The following CNTN3 variants were observed in gnomAD, a reference collection of about 807,000 sequenced individuals.
CNTN3 encodes contactin-3.
In CNTN3, 60 loss-of-function variants were observed where a neutral mutation model predicts 119.1. The ratio of observed to expected loss-of-function variants is 0.50; its 90% confidence interval spans 0.41 to 0.62. The LOEUF is 0.62. Among genes scored for constraint, CNTN3 ranks in the 20% least tolerant of loss-of-function variants. CNTN3 has a pLI of 0.00. For synonymous variants in CNTN3, 450 were observed against 438.7 expected (o/e 1.03, Z -0.32); for missense variants, 1,101 against 1,242.4 (o/e 0.89, Z 1.71).
chr3:74,310,708 A>C (rs1559695926), intron 13 of CNTN3, among the ~76,000 whole-genome samples: 1 of 152,216 alleles, frequency 6.6e-6, no homozygotes, highest in Non-Finnish European at 1.5e-5. Context: ...TGGTCAAGAC[A>C]TTCACAAAAG....
At chr3:74,470,175 A>G (rs1189828422) in intron 4 of CNTN3, among the ~76,000 whole-genome samples, 2 of 151,754 alleles carry the variant, frequency 1.3e-5, no homozygotes, top group Admixed American at 1.3e-4. Context: ...TAGGGGCTGG[A>G]GTGGGGGGTT....
chr3:74,285,811 A>G (rs1702102754), intron 19 of CNTN3, among the ~76,000 whole-genome samples: 1 of 106,678 alleles, frequency 9.4e-6, no homozygotes, highest in Non-Finnish European at 1.7e-5. Context: ...ATATATATAT[A>G]TATATATATA....
At chr3:74,468,810 C>G (rs1702509615) in intron 4 of CNTN3, among the ~76,000 whole-genome samples, 2 of 151,282 alleles carry the variant, frequency 1.3e-5, no homozygotes, top group African/African-American at 4.9e-5. Flanking sequence ...ATATACGTGA[C>G]AGATGAGTCT....
chr3:74,522,173 T>C (rs975242557), intron 1 of CNTN3, among the ~76,000 whole-genome samples: 3 of 151,992 alleles, frequency 2.0e-5, no homozygotes, highest in South Asian at 4.1e-4. Context: ...AATAAAAATA[T>C]GACAACTTGA....
intron 4 of CNTN3, among the ~76,000 whole-genome samples, chr3:74,449,022 G>T (rs1702098637): frequency 6.6e-6 from 1 of 152,002 alleles, no homozygotes; most frequent in Non-Finnish European, 1.5e-5. Flanking sequence ...TCTCCCAGGT[G>T]CCTCAAATCC....
intron 4 of CNTN3, among the ~76,000 whole-genome samples, chr3:74,481,370 C>A (rs1175837868): frequency 6.6e-6 from 1 of 151,676 alleles, no homozygotes; most frequent in African/African-American, 2.4e-5. Context: ...GGAAAAATAT[C>A]AACAATTTCC....
At chr3:74,373,125 T>C (rs972282311) in intron 5 of CNTN3, among the ~76,000 whole-genome samples, 1 of 152,232 alleles carries the variant, frequency 6.6e-6, no homozygotes, top group Non-Finnish European at 1.5e-5. Context: ...TTGTGAGCTC[T>C]AAAGTCACTT....
intron 10 of CNTN3, among the ~76,000 whole-genome samples, chr3:74,363,740 A>G (rs1194833890): frequency 6.6e-6 from 1 of 152,122 alleles, no homozygotes; most frequent in African/African-American, 2.4e-5. Flanking sequence ...TAGTGATGAT[A>G]TTTGAACACT....
rs1214466085 is a variant in CNTN3 at position 74,301,711 on chromosome 3, T to C, written c.1881A>G (p.Pro627=). Residue 627 remains proline (P), a synonymous_variant, in exon 15 of 23, where the codon CCA becomes CCG. Transcript: ENST00000263665. The part of the protein sequence containing the change: ...SWKEGKDNHS[P]VISYSIQART... ...GAGCCTGGATAGAATAGGATATAACTGGGCTATGGTTGTCTTTACCTTCTT... is the reference window on the plus strand; with the variant it reads ...GAGCCTGGATAGAATAGGATATAACCGGGCTATGGTTGTCTTTACCTTCTT... 1.2e-6 allele frequency: 2 copies of C among 1,614,014 alleles called. No individual in the cohort carries two copies. The highest frequency in any genetic ancestry group is 2.2e-5 in the East Asian group (1 of 44,880).
rs768410656 is a variant in CNTN3 at position 74,369,212 on chromosome 3, G to A, written c.923C>T (p.Ala308Val). The A allele has an allele frequency of 2.5e-6, 4 of 1,603,606 alleles. No individual in the cohort carries two copies. Among genetic ancestry groups the A allele is most frequent in the South Asian group, 2.2e-5 (2 of 89,632 alleles). The change falls in exon 8 of 23, where the codon GCC (alanine) becomes GTC (valine). Residue 308 changes from alanine to valine, a missense_variant. By Grantham distance (64) the Ala-to-Val change is moderately conservative (BLOSUM62 0). Coordinates refer to ENST00000263665, the MANE Select transcript of CNTN3 (RefSeq NM_020872.3). ...IAENSRGKNV[A>V]RGRLTYYAKP... ...ACCATAGTAAGTGAGACGCCCTCTGGCAACATTTTTTCCTCGTGAATTCTC... is the reference window on the plus strand; with the variant it reads ...ACCATAGTAAGTGAGACGCCCTCTGACAACATTTTTTCCTCGTGAATTCTC...
intron 5 of CNTN3, among the ~76,000 whole-genome samples, chr3:74,391,856 C>T (rs1343549492): frequency 6.6e-6 from 1 of 152,106 alleles, no homozygotes; most frequent in African/African-American, 2.4e-5. Flanking sequence ...TGGGGTTTCA[C>T]CATGTTGGTC....
rs567321957 is a variant in CNTN3, at chr3:74,352,017, C to T, written c.1364+9873G>A. 8.6e-4 allele frequency among the ~76,000 whole-genome samples: 131 copies of T among 152,258 alleles called. 3 individuals are homozygous for T. The highest frequency in any genetic ancestry group is 3.4e-3 in the Middle Eastern group (1 of 294). Reference sequence around the variant, plus strand: ...AACTCTTGCTTATTTACCCAGGCATCTCAATCATCTCTTTAAGAGAAGAGT... The same window carrying T: ...AACTCTTGCTTATTTACCCAGGCATTTCAATCATCTCTTTAAGAGAAGAGT... On this transcript the variant is annotated intron_variant, in intron 11 of 22. Transcript: ENST00000263665.
At chr3:74,437,685 T>TTA (rs1177366280) in intron 4 of CNTN3, among the ~76,000 whole-genome samples, 1 of 152,062 alleles carries the variant, frequency 6.6e-6, no homozygotes, top group Admixed American at 6.5e-5. Context: ...CTTCAAGTGT[T>TTA]TATATATGTG....
intron 2 of CNTN3, among the ~76,000 whole-genome samples, chr3:74,511,350 T>C (rs1191866503): frequency 2.6e-5 from 4 of 152,136 alleles, no homozygotes; most frequent in African/African-American, 9.7e-5. Flanking sequence ...AATAAGTTGA[T>C]TTATCAAATA....
Position 74,264,307 on chromosome 3 carries a change from A to T in CNTN3, c.*94T>A. 1 of 494,988 alleles carries T rather than the reference A, an allele frequency of 2.0e-6. No homozygotes were observed. Among genetic ancestry groups the T allele is most frequent in the Non-Finnish European group, 3.5e-6 (1 of 285,970 alleles). 30.7% of individuals were successfully genotyped at this position (494,988 alleles called of 1,614,324 possible). On this transcript the variant is annotated 3_prime_UTR_variant, in exon 23 of 23. Transcript: ENST00000263665. Reference sequence around the variant, plus strand: ...AATGAAGTAGAAAGTTAAAAATAAGAGTTGAAAAAAACATGCATAATCACT... The same window carrying T: ...AATGAAGTAGAAAGTTAAAAATAAGTGTTGAAAAAAACATGCATAATCACT...
At chr3:74,328,417 T>C (rs1238292248) in intron 13 of CNTN3, among the ~76,000 whole-genome samples, 1 of 152,224 alleles carries the variant, frequency 6.6e-6, no homozygotes, top group Non-Finnish European at 1.5e-5. Context: ...TCTCCTTCTG[T>C]TGTATTTACA....
chr3:74,296,620 G>A (rs1272073486), intron 18 of CNTN3, among the ~76,000 whole-genome samples: 1 of 152,210 alleles, frequency 6.6e-6, no homozygotes, highest in Non-Finnish European at 1.5e-5. Flanking sequence ...TTACTGTCAG[G>A]TCTGGAGGGT....
chr3:74,317,165 C>CT (rs200694493), intron 13 of CNTN3, among the ~76,000 whole-genome samples: 6 of 141,768 alleles, frequency 4.2e-5, no homozygotes, highest in South Asian at 2.5e-4. Flanking sequence ...CAACCCCTGC[C>CT]TTTTTTTTGT....
At chr3:74,370,498 C>G (rs893881582) in intron 6 of CNTN3, among the ~76,000 whole-genome samples, 56 of 151,968 alleles carry the variant, frequency 3.7e-4, no homozygotes, top group Non-Finnish European at 7.1e-4. Flanking sequence ...TTAATGATAC[C>G]CTAGTAGCAG....
Sources: gnomAD v4.1 joint callset for allele counts (sites outside exome capture counted in the v4.1 genomes callset) on GRCh38, gnomAD v4.1.1 for gene constraint, MANE v1.5 for transcripts, NCBI Gene and HGNC (gene_info 2026-07-23, HGNC 2026-07-21) for gene names.